B4GALT5: variants seen among roughly 807,000 people sequenced by gnomAD.
B4GALT5 encodes UDP-Gal:beta-GlcNAc beta-1,4-galactosyltransferase 5.
A neutral mutation model predicts 45.0 loss-of-function variants in B4GALT5; 11 were observed. The ratio of observed to expected loss-of-function variants is 0.24; its 90% CI spans 0.15 to 0.40. B4GALT5 has a LOEUF of 0.40. Ranked by LOEUF, B4GALT5 falls within the 10% of genes least tolerant of loss-of-function variation. B4GALT5 has a pLI of 1.00. For missense variants in B4GALT5, 337 were observed against 500.2 expected, an observed-to-expected ratio of 0.67 and a Z score of 3.11; for synonymous variants, 185 against 182.9, an observed-to-expected ratio of 1.01 and a Z score of -0.09.
intron 1 of B4GALT5, among the ~76,000 whole-genome samples, chr20:49,676,273 G>A (rs2085736925): frequency 6.6e-6 from 1 of 152,116 alleles, no homozygotes; most frequent in African/African-American, 2.4e-5. Flanking sequence ...GAAAATAAAA[G>A]TGATCAGGTA....
rs2085723814 is a variant in B4GALT5, at chr20:49,673,334, C to T, written c.116-16632G>A. Among the ~76,000 whole-genome samples the T allele has an allele frequency of 2.0e-5, 3 of 151,696 alleles. 1 individual carries two copies. Among genetic ancestry groups the T allele is most frequent in the Admixed American group, 1.3e-4 (2 of 15,224 alleles). On this transcript the variant is annotated intron_variant, in intron 1 of 8. Coordinates refer to ENST00000371711, the MANE Select transcript of B4GALT5 (RefSeq NM_004776.4). ...GGCAGAGATTGCAGCAAGCCGAGATCGTGCCACTGCACCCCAGCCTGGGTG... is the reference window on the plus strand; with the variant it reads ...GGCAGAGATTGCAGCAAGCCGAGATTGTGCCACTGCACCCCAGCCTGGGTG...
chr20:49,666,333 T>C (rs1277407630), intron 1 of B4GALT5, among the ~76,000 whole-genome samples: 1 of 152,188 alleles, frequency 6.6e-6, no homozygotes, highest in Non-Finnish European at 1.5e-5. Context: ...TAGACACAAC[T>C]GACCAGAGCC....
At chr20:49,674,081 C>CAAAAA (rs34718276) in intron 1 of B4GALT5, among the ~76,000 whole-genome samples, 6 of 94,532 alleles carry the variant, frequency 6.3e-5, no homozygotes, top group East Asian at 3.2e-4. Context: ...ATTAAAAATA[C>CAAAAA]AAAAAAAAAA....
chr20:49,700,569 G>C (rs141723302), intron 1 of B4GALT5, among the ~76,000 whole-genome samples: 2 of 152,146 alleles, frequency 1.3e-5, no homozygotes, highest in Admixed American at 1.3e-4. Flanking sequence ...CAAAATGCTG[G>C]GATTACAGGC....
chr20:49,639,001 C>A (rs1469384335), intron 7 of B4GALT5, among the ~76,000 whole-genome samples: 13 of 152,130 alleles, frequency 8.5e-5, no homozygotes, highest in Non-Finnish European at 1.5e-5. Flanking sequence ...TGCCAGAGCT[C>A]TATACACATT....
intron 3 of B4GALT5, among the ~76,000 whole-genome samples, chr20:49,646,576 C>G (rs2085600018): frequency 6.6e-6 from 1 of 152,124 alleles, no homozygotes; most frequent in Non-Finnish European, 1.5e-5. Context: ...CAGGCTACAC[C>G]ATCTAGATTT....
At chr20:49,712,002 A>T (rs2085914515) in intron 1 of B4GALT5, among the ~76,000 whole-genome samples, 1 of 151,770 alleles carries the variant, frequency 6.6e-6, no homozygotes, top group Admixed American at 6.6e-5. Context: ...ATAATCCAAA[A>T]TTTTTCTAGC....
At chr20:49,663,675 G>GAAAAA (rs869246702) in intron 1 of B4GALT5, among the ~76,000 whole-genome samples, 13 of 3,002 alleles carry the variant, frequency 4.3e-3, no homozygotes, top group African/African-American at 0.011. Flanking sequence ...TTCATCTCAA[G>GAAAAA]AAAAAAAAAA....
chr20:49,705,648 T>G (rs1441701575), intron 1 of B4GALT5, among the ~76,000 whole-genome samples: 2 of 152,160 alleles, frequency 1.3e-5, no homozygotes, highest in Admixed American at 1.3e-4. Flanking sequence ...GACAGTGTCT[T>G]TACTTGACAA....
At chr20:49,702,829 T>C (rs1249528124) in intron 1 of B4GALT5, among the ~76,000 whole-genome samples, 1 of 151,616 alleles carries the variant, frequency 6.6e-6, no homozygotes, top group Admixed American at 6.6e-5. Flanking sequence ...CACTCCAGCA[T>C]GGGCAACAGA....
intron 1 of B4GALT5, among the ~76,000 whole-genome samples, chr20:49,704,578 G>A (rs2085876272): frequency 6.6e-6 from 1 of 151,470 alleles, no homozygotes; most frequent in South Asian, 2.1e-4. Flanking sequence ...AATTAGCCGG[G>A]CGTAGTGGCG....
chr20:49,634,114 T>G lies in B4GALT5; in HGVS notation c.*2198A>C, dbSNP rs1418674049. 6.6e-6 allele frequency: 1 copy of G among 152,608 alleles called. No homozygotes were observed. The highest frequency in any genetic ancestry group is 1.9e-4 in the East Asian group (1 of 5,200). The allele number at this position is 152,608 out of a possible 1,614,324, so 9.5% of individuals were successfully genotyped here. A position where few individuals can be genotyped will look rare whatever the true frequency, so the allele number is the denominator to read the frequency against. ...GGCATTTTCAAGGGCAGGAACCTGC[T>G]CTCTCATATGAGCCGATAAGAGCTT... is the stretch of plus-strand genomic sequence containing the variant. On this transcript the variant is annotated 3_prime_UTR_variant, in exon 9 of 9. Coordinates refer to ENST00000371711, the MANE Select transcript of B4GALT5 (RefSeq NM_004776.4).
At chr20:49,670,706 A>T (rs1047107152) in intron 1 of B4GALT5, among the ~76,000 whole-genome samples, 3 of 152,186 alleles carry the variant, frequency 2.0e-5, no homozygotes, top group Non-Finnish European at 4.4e-5. Flanking sequence ...TGCTTGTCTA[A>T]ATGAGTCAAA....
At chr20:49,668,425 C>A (rs897395937) in intron 1 of B4GALT5, among the ~76,000 whole-genome samples, 2 of 151,996 alleles carry the variant, frequency 1.3e-5, no homozygotes, top group African/African-American at 2.4e-5. Flanking sequence ...TTGCTTCCCC[C>A]AAAATTCTTA....
intron 1 of B4GALT5, among the ~76,000 whole-genome samples, chr20:49,707,706 C>G (rs1277540627): frequency 6.6e-6 from 1 of 152,228 alleles, no homozygotes; most frequent in Non-Finnish European, 1.5e-5. Context: ...CCTCGACCTC[C>G]CAGGCTCAGG....
chr20:49,647,881 T>C (rs1352993804), intron 2 of B4GALT5, among the ~76,000 whole-genome samples: 2 of 152,142 alleles, frequency 1.3e-5, no homozygotes, highest in Non-Finnish European at 2.9e-5. Flanking sequence ...TTCTGTACTC[T>C]GTGCTGCCTT....
At chr20:49,712,356 C>A (rs187145597) in intron 1 of B4GALT5, among the ~76,000 whole-genome samples, 2 of 152,034 alleles carry the variant, frequency 1.3e-5, no homozygotes, top group Admixed American at 1.3e-4. Flanking sequence ...GAATCCAAGT[C>A]TGACCTCTGT....
chr20:49,696,369 T>C (rs1406763976), intron 1 of B4GALT5, among the ~76,000 whole-genome samples: 2 of 152,210 alleles, frequency 1.3e-5, no homozygotes, highest in African/African-American at 4.8e-5. Context: ...AATTTATTAA[T>C]AGTAAAGGAA....
intron 2 of B4GALT5, among the ~76,000 whole-genome samples, chr20:49,654,730 G>A (rs1185520944): frequency 6.6e-6 from 1 of 152,212 alleles, no homozygotes; most frequent in Non-Finnish European, 1.5e-5. Context: ...ACTTATTAGA[G>A]AAGAAGAGAG....
Sources: gnomAD v4.1 joint callset for allele counts (sites outside exome capture counted in the v4.1 genomes callset) on GRCh38, gnomAD v4.1.1 for gene constraint, MANE v1.5 for transcripts, NCBI Gene and HGNC (gene_info 2026-07-23, HGNC 2026-07-21) for gene names.